Variants in TLE1 observed in about 807,000 individuals in gnomAD.
TLE1 encodes transducin-like enhancer protein 1.
A neutral mutation model predicts 89.8 loss-of-function variants in TLE1; 21 were observed. The observed-to-expected ratio is 0.23, with a 90% CI of 0.17 to 0.34. TLE1 has a LOEUF of 0.34. TLE1 is among the 10% of genes least tolerant of loss of function. The pLI is 1.00. For missense variants in TLE1, 795 were observed against 1,031.2 expected (o/e 0.77, Z 3.14); for synonymous variants, 447 against 407.6 (o/e 1.10, Z -1.16).
At chr9:81,685,920 T>G in intron 2 of TLE1, 24 bp from the exon 3 acceptor site, 1 of 1,611,636 alleles carries the variant, frequency 6.2e-7, no homozygotes, top group Non-Finnish European at 8.5e-7. Context: ...ACAGGCAACT[T>G]AATGTAAACA....
chr9:81,584,351 A>T, intron 19 of TLE1, 46 bp from the exon 20 acceptor site: 11 of 1,608,230 alleles, frequency 6.8e-6, no homozygotes, highest in Non-Finnish European at 9.4e-6. Context: ...GAACAACGGT[A>T]CTCAGAGGCC....
chr9:81,659,844 C>G (rs1053045004), intron 4 of TLE1, among the ~76,000 whole-genome samples: 16 of 152,112 alleles, frequency 1.1e-4, no homozygotes, highest in African/African-American at 3.9e-4. Flanking sequence ...ATCGAGTGAG[C>G]TGATGAGCTG....
intron 6 of TLE1, among the ~76,000 whole-genome samples, chr9:81,644,648 G>A (rs117602479): frequency 6.6e-6 from 1 of 152,214 alleles, no homozygotes; most frequent in South Asian, 2.1e-4. Flanking sequence ...TAGTCGTGAT[G>A]GTTGTACAGC....
At chr9:81,605,350 G>T (rs1831499261) in intron 14 of TLE1, among the ~76,000 whole-genome samples, 1 of 152,066 alleles carries the variant, frequency 6.6e-6, no homozygotes, top group South Asian at 2.1e-4. Context: ...GTTGACTCTT[G>T]TAACAACAAA....
intron 14 of TLE1, among the ~76,000 whole-genome samples, chr9:81,597,925 A>C (rs1830441527): frequency 6.6e-6 from 1 of 152,088 alleles, no homozygotes; most frequent in Admixed American, 6.5e-5. Flanking sequence ...CCTGTTAATA[A>C]AACTATGCTG....
At chr9:81,656,761 T>A (rs1163836226) in intron 4 of TLE1, among the ~76,000 whole-genome samples, 1 of 152,196 alleles carries the variant, frequency 6.6e-6, no homozygotes, top group Non-Finnish European at 1.5e-5. Flanking sequence ...TACAAGCATA[T>A]AGATGTCTAA....
Position 81,584,010 on chromosome 9 carries a change from GT to G in TLE1, c.*187del. ...GGCCTTGGTGCTCCATTTGGTCTAT[GT>G]AGACAGGTGACTTTCTGCTGATGGA... On this transcript the variant is annotated 3_prime_UTR_variant, in exon 20 of 20. Coordinates refer to ENST00000376499, the MANE Select transcript of TLE1 (RefSeq NM_005077.5). 1.7e-6 allele frequency: 1 copy of G among 604,876 alleles called. No homozygotes were observed. 37.5% of individuals were successfully genotyped at this position (604,876 alleles called of 1,614,324 possible).
chr9:81,606,522 C>G (rs769507753), intron 14 of TLE1, among the ~76,000 whole-genome samples: 2 of 152,074 alleles, frequency 1.3e-5, no homozygotes, highest in African/African-American at 2.4e-5. Context: ...ATCACAAGCA[C>G]AAGGACAGAA....
At chr9:81,681,765 C>G (rs1270456648) in intron 4 of TLE1, among the ~76,000 whole-genome samples, 3 of 152,122 alleles carry the variant, frequency 2.0e-5, no homozygotes, top group African/African-American at 7.2e-5. Flanking sequence ...GGCCTGTGAC[C>G]CTCCTCTCCC....
chr9:81,687,018 A>G (rs1375140186), intron 2 of TLE1, among the ~76,000 whole-genome samples: 1 of 152,220 alleles, frequency 6.6e-6, no homozygotes, highest in African/African-American at 2.4e-5. Flanking sequence ...CCAATGTTTC[A>G]GCTCAGTCTG....
In TLE1 at chr9:81,685,907, A is replaced by C. The variant is rs1292566909; in HGVS notation, c.126-11T>G. On this transcript the variant is annotated splice_polypyrimidine_tract_variant and intron_variant, in intron 2 of 19. Transcript: ENST00000376499. Reference sequence around the variant, plus strand: ...CATTCCAATTTAAGGCTAGGAAAACAAAACAGGCAACTTAATGTAAACATT... The same window carrying C: ...CATTCCAATTTAAGGCTAGGAAAACCAAACAGGCAACTTAATGTAAACATT... The C allele has an allele frequency of 1.2e-6, 2 of 1,612,718 alleles. No homozygotes were observed. Among genetic ancestry groups the C allele is most frequent in the Non-Finnish European group, 1.7e-6 (2 of 1,179,934 alleles).
Position 81,652,396 on chromosome 9 carries a change from G to A in TLE1, c.298-108C>T, listed in dbSNP as rs902081981. The A allele has an allele frequency of 3.6e-5, 29 of 807,384 alleles. No individual in the cohort carries two copies. In the African/African-American group the frequency reaches 4.2e-4, roughly 12 times the overall value. 50.0% of individuals were successfully genotyped at this position (807,384 alleles called of 1,614,324 possible). Reference sequence around the variant, plus strand: ...TGTGCAATGCAGGCTGAAGTAGAAGGGTTTAAATGCAGAATTTCTCAACCA... The same window carrying A: ...TGTGCAATGCAGGCTGAAGTAGAAGAGTTTAAATGCAGAATTTCTCAACCA... On this transcript the variant is annotated intron_variant, in intron 5 of 19. Transcript: ENST00000376499.
chr9:81,627,188 T>C (rs898149718), intron 8 of TLE1, among the ~76,000 whole-genome samples: 4 of 152,090 alleles, frequency 2.6e-5, no homozygotes, highest in South Asian at 2.1e-4. Flanking sequence ...TCCACCTATG[T>C]CCCAGTGAGG....
chr9:81,624,556 C>T (rs1004762957), intron 8 of TLE1, among the ~76,000 whole-genome samples: 10 of 152,090 alleles, frequency 6.6e-5, no homozygotes, highest in Non-Finnish European at 1.3e-4. Context: ...AATATTTAAT[C>T]GAGAATCAGC....
intron 4 of TLE1, among the ~76,000 whole-genome samples, chr9:81,670,625 T>C (rs1832091840): frequency 6.6e-6 from 1 of 152,102 alleles, no homozygotes; most frequent in Admixed American, 6.5e-5. Flanking sequence ...ATGGCCACCT[T>C]TTATATTGCT....
chr9:81,633,339 A>C lies in TLE1; in HGVS notation c.594+9T>G. ...TGTGTGTGTGTGCAGCAGGCGTTTG[A>C]GTACTTACTGTGCCCGGCTCTCTGT... On this transcript the variant is annotated intron_variant, in intron 8 of 19. Coordinates refer to ENST00000376499, the MANE Select transcript of TLE1 (RefSeq NM_005077.5). 1 of 1,608,454 alleles carries C rather than the reference A, an allele frequency of 6.2e-7. No individual in the cohort carries two copies. Among genetic ancestry groups the C allele is most frequent in the Non-Finnish European group, 8.5e-7 (1 of 1,177,400 alleles).
chr9:81,678,418 C>T (rs920701943), intron 4 of TLE1, among the ~76,000 whole-genome samples: 5 of 152,108 alleles, frequency 3.3e-5, no homozygotes, highest in Non-Finnish European at 7.3e-5. Flanking sequence ...TAGGGTCTCG[C>T]TATGTTGGCC....
In TLE1 at chr9:81,590,836, C is replaced by T; in HGVS notation, c.1798G>A (p.Val600Met). The change falls in exon 16 of 20, where the codon GTG (valine) becomes ATG (methionine). Residue 600 changes from valine to methionine, a missense_variant. Around this residue, in one of 4 missense-constraint regions of TLE1, gnomAD observed 214 missense variants for 354.9 expected, o/e 0.60. Coordinates refer to ENST00000376499, the MANE Select transcript of TLE1 (RefSeq NM_005077.5). Reference sequence around the variant, plus strand: ...AGTGTCTGGTTGTGCAGATCCCACACAGCGATGTTGCCGTCGCTGCAGCAT... The same window carrying T: ...AGTGTCTGGTTGTGCAGATCCCACATAGCGATGTTGCCGTCGCTGCAGCAT... The part of the protein sequence containing the change: ...FSCCSDGNIA[V>M]WDLHNQTLVR... The T allele has an allele frequency of 6.2e-7, 1 of 1,614,190 alleles. No homozygotes were observed. The highest frequency in any genetic ancestry group is 8.5e-7 in the Non-Finnish European group (1 of 1,180,044).
At chr9:81,683,785 T>C (rs1056125962) in intron 4 of TLE1, among the ~76,000 whole-genome samples, 1 of 152,174 alleles carries the variant, frequency 6.6e-6, no homozygotes, top group African/African-American at 2.4e-5. Flanking sequence ...ATATTATTAA[T>C]GCATACAGGC....
Sources: allele counts gnomAD v4.1 joint callset (sites outside exome capture counted in the v4.1 genomes callset), GRCh38; gene constraint gnomAD v4.1.1; regional missense constraint gnomAD v4.1.1; transcripts MANE v1.5; gene names NCBI Gene and HGNC (gene_info 2026-07-23, HGNC 2026-07-21).